Variants in USP20 observed in about 807,000 individuals in gnomAD.
The protein encoded by USP20 is ubiquitin carboxyl-terminal hydrolase 20.
USP20 carries 80 observed loss-of-function variants against 124.2 expected under a neutral mutation model. The observed-to-expected ratio is 0.64, with a 90% CI of 0.54 to 0.78. The LOEUF (loss-of-function observed/expected upper bound fraction) is 0.78. USP20 is among the 30% of genes least tolerant of loss of function. The probability of loss-of-function intolerance (pLI) is 0.00; values close to 1 mark genes in which losing one functional copy is unlikely to be tolerated. For missense variants in USP20, 1,043 were observed against 1,244.4 expected (o/e 0.84, Z 2.44); for synonymous variants, 481 against 512.3 (o/e 0.94, Z 0.83).
Position 129,868,292 on chromosome 9 carries a change from G to A in USP20, c.978G>A (p.Arg326=), listed in dbSNP as rs769451836. Residue 326 remains arginine (R), a synonymous_variant, in exon 11 of 26, where the codon CGG becomes CGA. Transcript: ENST00000372429. ...GCCGAGCCATCTCTGAGAAGGAGCGGATGAAGGACCGCAAGTTCTCCTGGG... is the reference window on the plus strand; with the variant it reads ...GCCGAGCCATCTCTGAGAAGGAGCGAATGAAGGACCGCAAGTTCTCCTGGG... ...EAGRAISEKE[R]MKDRKFSWGQ... The A allele has an allele frequency of 1.8e-5, 29 of 1,613,898 alleles. No individual in the cohort carries two copies. Among genetic ancestry groups the A allele is most frequent in the Non-Finnish European group, 2.5e-5 (29 of 1,179,984 alleles).
intron 24 of USP20, 107 bp from the exon 25 acceptor site, chr9:129,880,006 C>T (rs1227916281): frequency 4.4e-6 from 6 of 1,378,420 alleles, no homozygotes; most frequent in Non-Finnish European, 4.9e-6. Context: ...GCCCTGGTTG[C>T]CGTCTTCCCG....
chr9:129,876,217 C>T lies in USP20; in HGVS notation c.2388C>T (p.Ile796=), dbSNP rs376710299. 2.0e-4 allele frequency: 322 copies of T among 1,612,652 alleles called. No homozygotes were observed. The highest frequency in any genetic ancestry group is 9.8e-4 in the East Asian group (44 of 44,840). ...AGGCACTGGCCAAGCGCAGGAGGATCGAGATCGACACCTTCATCAAGGTGC... is the reference window on the plus strand; with the variant it reads ...AGGCACTGGCCAAGCGCAGGAGGATTGAGATCGACACCTTCATCAAGGTGC... ...EIEALAKRRR[I]EIDTFIKLNK... is the part of the protein sequence containing the mutation. The change falls in exon 22 of 26, where the codon ATC becomes ATT. Residue 796 remains isoleucine, a synonymous_variant. Coordinates refer to ENST00000372429, the MANE Select transcript of USP20 (RefSeq NM_001110303.4).
At chr9:129,843,391 C>T (rs1179609330) in intron 1 of USP20, among the ~76,000 whole-genome samples, 2 of 151,916 alleles carry the variant, frequency 1.3e-5, no homozygotes, top group Non-Finnish European at 2.9e-5. Context: ...GATCACGCCA[C>T]TGCAGTCCAG....
intron 10 of USP20, among the ~76,000 whole-genome samples, chr9:129,866,657 C>T (rs1420038488): frequency 6.6e-6 from 1 of 152,212 alleles, no homozygotes; most frequent in Non-Finnish European, 1.5e-5. Flanking sequence ...AGAAGCATCC[C>T]TTTCTGTGGT....
chr9:129,870,771 C>T (rs10115241), intron 15 of USP20, among the ~76,000 whole-genome samples: 129,865 of 152,296 alleles, frequency 0.85, 56,233 homozygotes, highest in East Asian at 1. Context: ...CTTGAGTGTT[C>T]ACTTATTTTT....
intron 10 of USP20, among the ~76,000 whole-genome samples, chr9:129,866,145 G>T (rs140956010): frequency 2.0e-3 from 310 of 152,292 alleles, no homozygotes; most frequent in African/African-American, 6.9e-3. Flanking sequence ...AGGCAGAGCT[G>T]GACCTGGCTG....
intron 1 of USP20, among the ~76,000 whole-genome samples, chr9:129,848,338 C>T (rs1564198564): frequency 6.6e-6 from 1 of 152,140 alleles, no homozygotes; most frequent in Non-Finnish European, 1.5e-5. Flanking sequence ...TGATTGACCT[C>T]TGCCAAGTTC....
intron 12 of USP20, 59 bp from the exon 13 acceptor site, chr9:129,869,251 C>T: frequency 6.5e-7 from 1 of 1,542,092 alleles, no homozygotes; most frequent in Non-Finnish European, 8.9e-7. Flanking sequence ...GCCGCAGGGC[C>T]CGCACCTCGC....
intron 22 of USP20, among the ~76,000 whole-genome samples, chr9:129,876,858 G>A (rs79520950): frequency 0.013 from 1,952 of 152,168 alleles, 20 homozygotes; most frequent in Middle Eastern, 0.027. Flanking sequence ...GGGCCGTCCT[G>A]TGCATTGTAG....
chr9:129,880,045 A>G (rs2131107633), intron 24 of USP20, 68 bp from the exon 25 acceptor site: 1 of 1,571,686 alleles, frequency 6.4e-7, no homozygotes, highest in Non-Finnish European at 8.7e-7. Context: ...CGGAGCCCCC[A>G]CTGCCCAGGC....
At chr9:129,851,610 G>A (rs1233744248) in intron 2 of USP20, among the ~76,000 whole-genome samples, 1 of 152,222 alleles carries the variant, frequency 6.6e-6, no homozygotes, top group South Asian at 2.1e-4. Context: ...CTTCACCAAG[G>A]TGCTCCCTTG....
chr9:129,865,884 A>G (rs2033799144), intron 10 of USP20, among the ~76,000 whole-genome samples: 2 of 152,202 alleles, frequency 1.3e-5, no homozygotes, highest in South Asian at 4.1e-4. Flanking sequence ...GTTGCACCCA[A>G]AATGACACAG....
chr9:129,860,032 T>TA (rs546950103), intron 6 of USP20, among the ~76,000 whole-genome samples: 20 of 149,156 alleles, frequency 1.3e-4, no homozygotes, highest in African/African-American at 4.7e-4. Flanking sequence ...CTCTATCTCT[T>TA]AAAAAAAGTC....
chr9:129,857,573 C>T (rs2131060572), intron 4 of USP20, among the ~76,000 whole-genome samples: 1 of 152,220 alleles, frequency 6.6e-6, no homozygotes, highest in East Asian at 1.9e-4. Context: ...TGCTCTGGGG[C>T]ACTGGGTCAG....
At chr9:129,863,969 G>A (rs1287105459) in intron 9 of USP20, among the ~76,000 whole-genome samples, 3 of 152,016 alleles carry the variant, frequency 2.0e-5, no homozygotes, top group Admixed American at 6.6e-5. Flanking sequence ...AGCTGGGTGT[G>A]GTGGCGTGTG....
chr9:129,848,869 A>C (rs1564198878), intron 1 of USP20, among the ~76,000 whole-genome samples: 1 of 152,224 alleles, frequency 6.6e-6, no homozygotes, highest in Admixed American at 6.5e-5. Flanking sequence ...GGAATTTGGA[A>C]TCTTGAAGCT....
intron 1 of USP20, among the ~76,000 whole-genome samples, chr9:129,842,242 G>C (rs571619501): frequency 1.3e-5 from 2 of 152,268 alleles, no homozygotes; most frequent in African/African-American, 4.8e-5. Flanking sequence ...ACTGAACCCA[G>C]GGCTACTTGT....
In USP20 at chr9:129,870,547, G is replaced by C. The variant is rs1297876684; in HGVS notation, c.1660G>C (p.Gly554Arg). ...AAFFAADELK[G>R]DNMYSCERCK... ...CTTCTTTGCCGCTGATGAGTTAAAG[G>C]GTGAGGGGCCTGGCTGGCAAGGGTC... Residue 554 changes from glycine (G) to arginine (R), a missense_variant and splice_region_variant, in exon 15 of 26, where the codon GGT becomes CGT. Gly to Arg is a moderately radical substitution (Grantham distance 125, BLOSUM62 -2). Transcript: ENST00000372429. The C allele has an allele frequency of 2.5e-6, 4 of 1,614,006 alleles. No homozygotes were observed. The highest frequency in any genetic ancestry group is 2.7e-5 in the African/African-American group (2 of 74,936).
At position 129,858,393 on chromosome 9, in the gene USP20, G is replaced by A. The variant is rs544534698; in HGVS notation, c.199-74G>A. On this transcript the variant is annotated intron_variant, in intron 5 of 25. Coordinates refer to ENST00000372429, the MANE Select transcript of USP20 (RefSeq NM_001110303.4). The stretch of plus-strand genomic sequence containing the variant: ...GCCTCTTACTGAGAGGCTGGGGAGC[G>A]GAGCAGCCATTACAGGTTGGGGCAC... The A allele has an allele frequency of 3.3e-5, 53 of 1,596,574 alleles. 1 individual carries two copies. The highest frequency in any genetic ancestry group is 2.2e-4 in the East Asian group (10 of 44,810).
Sources: gnomAD v4.1 joint callset for allele counts (sites outside exome capture counted in the v4.1 genomes callset) on GRCh38, gnomAD v4.1.1 for gene constraint, MANE v1.5 for transcripts, NCBI Gene and HGNC (gene_info 2026-07-23, HGNC 2026-07-21) for gene names.